Variants in MXD4 observed in about 807,000 individuals in gnomAD.
The protein encoded by MXD4 is MAX dimerization protein 4.
Under a neutral mutation model 24.5 loss-of-function variants are expected in MXD4, and 16 were observed. The observed-to-expected ratio is 0.65, with a 90% confidence interval of 0.44 to 0.99. The LOEUF (loss-of-function observed/expected upper bound fraction) is 0.99, where lower values mean the gene tolerates loss of function less well. MXD4 is among the 50% of genes least tolerant of loss of function. MXD4 has a pLI of 0.00. For missense variants in MXD4, 301 were observed against 301.5 expected, an observed-to-expected ratio of 1.00 and a Z score of 0.01; for synonymous variants, 164 against 134.2, an observed-to-expected ratio of 1.22 and a Z score of -1.54.
chr4:2,253,955 C>T (rs1039302596), intron 3 of MXD4: 1 of 152,312 alleles, frequency 6.6e-6, no homozygotes, highest in African/African-American at 2.4e-5. Context: ...TGCCGCCCCC[C>T]ACCCCAGGAA....
At chr4:2,256,719 G>A (rs540825749) in intron 3 of MXD4, among the ~76,000 whole-genome samples, 1 of 152,280 alleles carries the variant, frequency 6.6e-6, no homozygotes, top group South Asian at 2.1e-4. Context: ...TCTGGGAGGA[G>A]AGGACAGAGG....
intron 3 of MXD4, chr4:2,254,757 C>T (rs943692515): frequency 1.9e-5 from 3 of 155,454 alleles, no homozygotes; most frequent in Admixed American, 6.2e-5. Context: ...CCATCTCACC[C>T]GAGCCAGGAA....
At chr4:2,259,749 C>CT (rs1735500966) in intron 2 of MXD4, among the ~76,000 whole-genome samples, 1 of 152,156 alleles carries the variant, frequency 6.6e-6, no homozygotes, top group Non-Finnish European at 1.5e-5. Context: ...CAGGAGCACT[C>CT]TATCCCTCAG....
rs1735301974 is a variant in MXD4 at position 2,250,699 on chromosome 4, C to A, written c.475G>T (p.Val159Leu). The change falls in exon 6 of 6, where the codon GTG becomes TTG. Residue 159 changes from valine (V) to leucine (L), a missense_variant and splice_region_variant. Val to Leu is a conservative substitution (Grantham distance 32). Coordinates refer to ENST00000337190, the MANE Select transcript of MXD4 (RefSeq NM_006454.3). ...CCAAACTCCATGCCCTCTATGTCCA[C>A]TTCTAGGGAGAATAGAGTGGGGATG... ...AVSTDDSEQE[V>L]DIEGMEFGPG... is the part of the protein sequence containing the mutation. 6.2e-7 allele frequency: 1 copy of A among 1,613,178 alleles called. No individual in the cohort carries two copies. The highest frequency in any genetic ancestry group is 8.5e-7 in the Non-Finnish European group (1 of 1,179,654).
chr4:2,256,804 C>A (rs1016927982), intron 3 of MXD4, among the ~76,000 whole-genome samples: 1 of 152,096 alleles, frequency 6.6e-6, no homozygotes, highest in African/African-American at 2.4e-5. Context: ...GCCACCCACC[C>A]TCCCCCAATG....
rs753298697 is a variant in MXD4, at chr4:2,249,099, G to A, written c.*1445C>T. On this transcript the variant is annotated 3_prime_UTR_variant, in exon 6 of 6. Coordinates refer to ENST00000337190, the MANE Select transcript of MXD4 (RefSeq NM_006454.3). ...CTGGGGACCAGGTCACAGCCCCTCC[G>A]TGCCACCCACAGGGGCCTGGCTGCA... The A allele has an allele frequency of 9.8e-5, 15 of 152,438 alleles. No homozygotes were observed. The highest frequency in any genetic ancestry group is 1.8e-4 in the Non-Finnish European group (12 of 68,078). The allele number at this position is 152,438 out of a possible 1,614,324, so 9.4% of individuals were successfully genotyped here.
chr4:2,258,693 G>C (rs947238803), intron 2 of MXD4, among the ~76,000 whole-genome samples: 3 of 152,238 alleles, frequency 2.0e-5, no homozygotes. Flanking sequence ...ATGGGGACCA[G>C]GGACACAGCA....
chr4:2,254,976 TC>T (rs1262419058), intron 3 of MXD4: 5 of 247,092 alleles, frequency 2.0e-5, no homozygotes, highest in Non-Finnish European at 4.0e-5. Flanking sequence ...TACAAAACTA[TC>T]CCCCCAGATC....
At chr4:2,251,955 C>A (rs964346026) in intron 4 of MXD4, among the ~76,000 whole-genome samples, 1 of 152,178 alleles carries the variant, frequency 6.6e-6, no homozygotes, top group African/African-American at 2.4e-5. Flanking sequence ...CCCAGACCCA[C>A]TGCCAGCTCC....
rs1735282032 is a variant in MXD4, at chr4:2,250,008, C to T, written c.*536G>A. The T allele has an allele frequency of 6.4e-6, 1 of 155,706 alleles. No individual in the cohort carries two copies. The highest frequency in any genetic ancestry group is 1.4e-5 in the Non-Finnish European group (1 of 69,604). 9.6% of individuals were successfully genotyped at this position (155,706 alleles called of 1,614,324 possible). On this transcript the variant is annotated 3_prime_UTR_variant, in exon 6 of 6. Transcript: ENST00000337190. The stretch of plus-strand genomic sequence containing the variant: ...GCGAAGTGGGAAGGACCTTAACCAC[C>T]CACCTGCCCCAGGTGCTCACCCAGT...
In MXD4 at chr4:2,250,693, T is replaced by C; in HGVS notation, c.481A>G (p.Ile161Val). The C allele has an allele frequency of 6.2e-7, 1 of 1,613,558 alleles. No homozygotes were observed. Among genetic ancestry groups the C allele is most frequent in the Non-Finnish European group, 8.5e-7 (1 of 1,179,880 alleles). ...CCAGGGCCAAACTCCATGCCCTCTA[T>C]GTCCACTTCTAGGGAGAATAGAGTG... ...STDDSEQEVD[I>V]EGMEFGPGEL... Residue 161 changes from isoleucine to valine, a missense_variant, in exon 6 of 6, where the codon ATA becomes GTA. Physicochemically the swap from Ile to Val is conservative, Grantham distance 29. Coordinates refer to ENST00000337190, the MANE Select transcript of MXD4 (RefSeq NM_006454.3).
At chr4:2,258,842 G>C (rs971923705) in intron 2 of MXD4, 1 of 451,834 alleles carries the variant, frequency 2.2e-6, no homozygotes, top group Non-Finnish European at 4.4e-6. Flanking sequence ...CTGGAGGCCC[G>C]GGCTCAGCTT....
At chr4:2,251,412 C>A (rs894478532) in intron 4 of MXD4, among the ~76,000 whole-genome samples, 166 bp from the exon 5 acceptor site, 1 of 152,226 alleles carries the variant, frequency 6.6e-6, no homozygotes. Context: ...AGCCCCACAG[C>A]CTGAGGTGGG....
At chr4:2,257,305 G>A (rs889803464) in intron 3 of MXD4, among the ~76,000 whole-genome samples, 1 of 152,212 alleles carries the variant, frequency 6.6e-6, no homozygotes, top group Non-Finnish European at 1.5e-5. Flanking sequence ...AGGAGAGAGC[G>A]AAGGACCAGC....
Position 2,251,066 on chromosome 4 carries a change from C to T in MXD4, c.472+18G>A. 1.9e-6 allele frequency: 3 copies of T among 1,544,706 alleles called. No individual in the cohort carries two copies. The highest frequency in any genetic ancestry group is 2.6e-6 in the Non-Finnish European group (3 of 1,139,706). Reference sequence around the variant, plus strand: ...ACCCGGAGGCCCAGGTGAGGCTGCCCCGCGCCCCACGCCCCACCTTGCTCT... The same window carrying T: ...ACCCGGAGGCCCAGGTGAGGCTGCCTCGCGCCCCACGCCCCACCTTGCTCT... On this transcript the variant is annotated intron_variant, in intron 5 of 5. Transcript: ENST00000337190.
intron 4 of MXD4, among the ~76,000 whole-genome samples, chr4:2,251,981 A>G (rs922794622): frequency 1.3e-5 from 2 of 150,848 alleles, no homozygotes; most frequent in African/African-American, 4.9e-5. Context: ...CCCCAACCCC[A>G]CCCTGGCACC....
Position 2,249,855 on chromosome 4 carries a change from T to G in MXD4, c.*689A>C, listed in dbSNP as rs1021256382. On this transcript the variant is annotated 3_prime_UTR_variant, in exon 6 of 6. Coordinates refer to ENST00000337190, the MANE Select transcript of MXD4 (RefSeq NM_006454.3). ...GTGTCTGCATGTGTGAGCATGTACA[T>G]GAGTGGGTGTGTCTAGGTGCGTGCG... is the stretch of plus-strand genomic sequence containing the variant. 1 of 152,750 alleles carries G rather than the reference T, an allele frequency of 6.5e-6. No homozygotes were observed. The highest frequency in any genetic ancestry group is 2.4e-5 in the African/African-American group (1 of 41,454). 9.5% of individuals were successfully genotyped at this position (152,750 alleles called of 1,614,324 possible). A position where few individuals can be genotyped will look rare whatever the true frequency, so the allele number is the denominator to read the frequency against.
At chr4:2,252,316 G>T in intron 4 of MXD4, 92 bp downstream of exon 4, 1 of 1,037,794 alleles carries the variant, frequency 9.6e-7, no homozygotes, top group Non-Finnish European at 1.5e-6. Flanking sequence ...TGATCCAAGG[G>T]CTGCCCAGGG....
intron 4 of MXD4, 63 bp from the exon 5 acceptor site, chr4:2,251,309 G>A: frequency 6.8e-7 from 1 of 1,465,164 alleles, no homozygotes. Context: ...CCCCTGGCCA[G>A]GCACTGGGGC....
Sources: gnomAD v4.1 joint callset for allele counts (sites outside exome capture counted in the v4.1 genomes callset) on GRCh38, gnomAD v4.1.1 for gene constraint, MANE v1.5 for transcripts, NCBI Gene and HGNC (gene_info 2026-07-23, HGNC 2026-07-21) for gene names.